BCOR: variants seen among roughly 807,000 people sequenced by gnomAD.
The protein encoded by BCOR is BCL-6 corepressor.
In BCOR, 10 loss-of-function variants were observed where a neutral mutation model predicts 86.7. The ratio of observed to expected loss-of-function variants is 0.12; its 90% CI spans 0.07 to 0.20. The LOEUF (loss-of-function observed/expected upper bound fraction) is 0.20, where lower values mean the gene tolerates loss of function less well. Among genes scored for constraint, BCOR ranks in the 10% least tolerant of loss-of-function variants. The pLI, the probability that BCOR is intolerant of heterozygous loss-of-function variation, is 1.00. For synonymous variants in BCOR, 611 were observed against 609.0 expected, an observed-to-expected ratio of 1.00 and a Z score of -0.05; for missense variants, 1,259 against 1,452.1, an observed-to-expected ratio of 0.87 and a Z score of 2.16.
At chrX:40,121,198 C>T (rs1281170773) in intron 1 of BCOR, among the ~76,000 whole-genome samples, 2 of 112,237 alleles carry the variant, frequency 1.8e-5, no homozygotes, top group Non-Finnish European at 3.8e-5. Context: ...AGCCACCCTA[C>T]TGGGCCCTGC....
chrX:40,137,384 T>TA (rs1569191382), intron 1 of BCOR, among the ~76,000 whole-genome samples: 2 of 108,922 alleles, frequency 1.8e-5, no homozygotes, highest in African/African-American at 6.7e-5. Context: ...CCGTCTCTAC[T>TA]AAAAAAATAC....
chrX:40,108,027 C>T (rs1246356993), intron 1 of BCOR, among the ~76,000 whole-genome samples: 1 of 112,931 alleles, frequency 8.9e-6, no homozygotes, highest in Non-Finnish European at 1.9e-5. Flanking sequence ...GCGGCCTGGG[C>T]CCCCAGAAGC....
Position 40,073,961 on chromosome X carries a change from G to A in BCOR, c.1385C>T (p.Ala462Val), listed in dbSNP as rs1935631619. Residue 462 changes from alanine to valine, a missense_variant, in exon 4 of 15, where the codon GCT becomes GTT. Physicochemically the swap from Ala to Val is moderately conservative, Grantham distance 64. Coordinates refer to ENST00000378444, the MANE Select transcript of BCOR (RefSeq NM_001123385.2). ...ASKADHMKKM[A>V]PTVLVHSRAG... is the part of the protein sequence containing the mutation. ...CCTGCTGTGAACCAGGACCGTGGGA[G>A]CCATCTTTTTCATGTGGTCAGCTTT... 2 of 1,211,079 alleles carry A rather than the reference G, an allele frequency of 1.7e-6. No homozygotes were observed. Among genetic ancestry groups the A allele is most frequent in the African/African-American group, 1.7e-5 (1 of 57,463 alleles).
intron 1 of BCOR, among the ~76,000 whole-genome samples, chrX:40,125,516 G>C (rs1249749932): frequency 9.0e-6 from 1 of 111,400 alleles, no homozygotes; most frequent in Non-Finnish European, 1.9e-5. Flanking sequence ...TTACAGGCAT[G>C]AGCCACCACA....
exon 1 of BCOR, chrX:40,177,011 G>C (rs1168745342): frequency 1.9e-5 from 2 of 105,326 alleles, no homozygotes; most frequent in Non-Finnish European, 3.9e-5. Flanking sequence ...GCTGACCTTC[G>C]GGCCGACCAG....
chrX:40,104,094 G>C (rs769560223), intron 1 of BCOR, among the ~76,000 whole-genome samples: 8 of 111,354 alleles, frequency 7.2e-5, no homozygotes, highest in Admixed American at 2.9e-4. Flanking sequence ...GATTACTAGT[G>C]CAATTAGGCT....
In BCOR at chrX:40,072,505, A is replaced by G; in HGVS notation, c.2841T>C (p.Ala947=). 1 of 1,211,891 alleles carries G rather than the reference A, an allele frequency of 8.3e-7. No individual in the cohort carries two copies. Among genetic ancestry groups the G allele is most frequent in the Non-Finnish European group, 1.1e-6 (1 of 895,514 alleles). ...PTYTKDGADE[A]ESNDGKVLKP... ...TCAGAACTTTGCCATCATTTGATTC[A>G]GCCTCATCAGCTCCATCTTTGGTAT... The change falls in exon 4 of 15, where the codon GCT becomes GCC. Residue 947 remains alanine, a synonymous_variant. Transcript: ENST00000378444.
rs746716983 is a variant in BCOR at position 40,062,306 on chromosome X, G to T, written c.4261C>A (p.Arg1421Ser). 1 of 1,209,670 alleles carries T rather than the reference G, an allele frequency of 8.3e-7. No homozygotes were observed. The highest frequency in any genetic ancestry group is 1.1e-6 in the Non-Finnish European group (1 of 894,628). Residue 1421 changes from arginine (R) to serine (S), a missense_variant, in exon 10 of 15, where the codon CGC (arginine) becomes AGC (serine). Arg to Ser is a moderately radical substitution (Grantham distance 110). This residue lies in a region of BCOR where 305 missense variants were observed against 286.1 expected (regional missense o/e 1.07). Transcript: ENST00000378444. ...PAKQEPKPFDRLQQLLPASQS... is the reference protein window; with the variant it reads ...PAKQEPKPFDSLQQLLPASQS... The stretch of plus-strand genomic sequence containing the variant: ...GAGGCTGGTAGCAGTTGCTGCAAGC[G>T]GTCGAAGGGCTTTGGCTCCTGCTTG...
chrX:40,072,315 G>A (rs757769618), intron 4 of BCOR, 34 bp downstream of exon 4: 17 of 1,185,607 alleles, frequency 1.4e-5, no homozygotes, highest in African/African-American at 7.1e-5. Context: ...CTGACAACTG[G>A]TAAAGTAACT....
At chrX:40,075,324 T>A in intron 3 of BCOR, 144 bp from the exon 4 acceptor site, 1 of 92,455 alleles carries the variant, frequency 1.1e-5, no homozygotes, top group Non-Finnish European at 2.0e-5. Flanking sequence ...GGGGCGGGGG[T>A]GGGGGGTCTG....
chrX:40,170,883 A>G (rs886644445), intron 1 of BCOR, among the ~76,000 whole-genome samples: 2 of 112,435 alleles, frequency 1.8e-5, no homozygotes, highest in Non-Finnish European at 3.8e-5. Context: ...CTAATCAGCA[A>G]GTCACTGGTT....
upstream of BCOR, among the ~76,000 whole-genome samples, chrX:40,101,492 C>T (rs908081367): frequency 4.4e-5 from 5 of 113,282 alleles, no homozygotes; most frequent in Non-Finnish European, 9.4e-5. Flanking sequence ...CCACCAATCT[C>T]CCTTCCCATG....
chrX:40,133,533 C>T (rs1937626294), intron 1 of BCOR, among the ~76,000 whole-genome samples: 1 of 109,778 alleles, frequency 9.1e-6, no homozygotes, highest in African/African-American at 3.3e-5. Flanking sequence ...TACCTCGGCT[C>T]ACTGCAAGCT....
upstream of BCOR, among the ~76,000 whole-genome samples, chrX:40,099,874 C>T (rs1380515659): frequency 8.9e-6 from 1 of 112,075 alleles, no homozygotes; most frequent in African/African-American, 3.2e-5. Flanking sequence ...AGCAAGTGCC[C>T]CCGCGAGCAG....
Position 40,053,968 on chromosome X carries a change from C to T in BCOR, c.4894G>A (p.Ala1632Thr), listed in dbSNP as rs1256401863. The change falls in exon 14 of 15, where the codon GCC becomes ACC. Residue 1632 changes from alanine (A) to threonine (T), a missense_variant. Around this residue, in one of 7 missense-constraint regions of BCOR, gnomAD observed 137 missense variants for 149.8 expected, o/e 0.91. Coordinates refer to ENST00000378444, the MANE Select transcript of BCOR (RefSeq NM_001123385.2). ...GPEDQDDDDD[A>T]YSDVFEFEFS... ...TCAAATTCAAACACATCGCTATAGG[C>T]ATCGTCATCATCATCCTGGTCTTCT... is the stretch of plus-strand genomic sequence containing the variant. The T allele has an allele frequency of 8.3e-7, 1 of 1,209,040 alleles. No homozygotes were observed. The highest frequency in any genetic ancestry group is 1.1e-6 in the Non-Finnish European group (1 of 894,497).
chrX:40,064,909 C>T (rs529932510), intron 6 of BCOR, among the ~76,000 whole-genome samples: 1 of 112,035 alleles, frequency 8.9e-6, no homozygotes, highest in South Asian at 3.7e-4. Context: ...GTCAATGCTA[C>T]GTTTTTTAAA....
exon 1 of BCOR, chrX:40,177,151 A>G (rs1278057763): frequency 9.0e-6 from 1 of 110,556 alleles, no homozygotes; most frequent in Non-Finnish European, 1.9e-5. Flanking sequence ...CGAAAGAGCC[A>G]CTTCACGCTC....
At chrX:40,120,575 C>T (rs1448691733) in intron 1 of BCOR, among the ~76,000 whole-genome samples, 1 of 111,799 alleles carries the variant, frequency 8.9e-6, no homozygotes, top group African/African-American at 3.3e-5. Context: ...TCACTGGGCC[C>T]CCTCCTCTGG....
At chrX:40,106,707 A>G (rs752771083) in intron 1 of BCOR, among the ~76,000 whole-genome samples, 96 of 112,630 alleles carry the variant, frequency 8.5e-4, no homozygotes, top group Non-Finnish European at 1.7e-3. Flanking sequence ...TTCGGGGTCT[A>G]TAGAAAACGT....
Sources: allele counts gnomAD v4.1 joint callset (sites outside exome capture counted in the v4.1 genomes callset), GRCh38; gene constraint gnomAD v4.1.1; regional missense constraint gnomAD v4.1.1; transcripts MANE v1.5; gene names NCBI Gene and HGNC (gene_info 2026-07-23, HGNC 2026-07-21).